DMRT2: variants seen among roughly 807,000 people sequenced by gnomAD.
DMRT2 encodes the protein doublesex- and mab-3-related transcription factor 2.
DMRT2 carries 33 observed loss-of-function variants against 43.5 expected under a neutral mutation model. The observed-to-expected ratio is 0.76, with a 90% CI of 0.58 to 1.01. The LOEUF is 1.01. DMRT2 is among the 50% of genes least tolerant of loss of function. DMRT2 has a pLI of 0.00. For missense variants in DMRT2, 1,064 were observed against 748.0 expected (o/e 1.42, Z -4.93); for synonymous variants, 395 against 309.2 (o/e 1.28, Z -2.91).
intron 3 of DMRT2, 71 bp from the exon 4 acceptor site, chr9:1,056,145 A>G: frequency 1.3e-5 from 20 of 1,530,142 alleles, no homozygotes; most frequent in Non-Finnish European, 1.7e-5. Flanking sequence ...TGTTGCTGTT[A>G]CCTTCTGGGT....
chr9:1,055,776 A>G (rs755600953), intron 3 of DMRT2: 6 of 1,510,082 alleles, frequency 4.0e-6, no homozygotes, highest in Non-Finnish European at 5.3e-6. Flanking sequence ...CATCTTTAGA[A>G]AATAAAAGTG....
rs555929952 is a variant in DMRT2, at chr9:1,051,718, C to T, written c.105C>T (p.Pro35=). Residue 35 remains proline, a synonymous_variant, in exon 2 of 4, where the codon CCC becomes CCT. Transcript: ENST00000358146. The surrounding 1 kb of genome is among the most constrained non-coding windows in gnomAD (Gnocchi z 5.9). The part of the protein sequence containing the change: ...DVCGAPRSTP[P]GPSPPPADGD... The stretch of plus-strand genomic sequence containing the variant: ...GCGGGGCGCCGCGGTCCACGCCCCC[C>T]GGGCCCAGCCCGCCGCCGGCGGACG... 3.2e-6 allele frequency: 5 copies of T among 1,540,544 alleles called. No individual in the cohort carries two copies. The highest frequency in any genetic ancestry group is 2.5e-5 in the East Asian group (1 of 39,708).
At position 1,056,977 on chromosome 9, in the gene DMRT2, C is replaced by T; in HGVS notation, c.1390C>T (p.Leu464=). The T allele has an allele frequency of 1.9e-6, 3 of 1,614,210 alleles. No homozygotes were observed. The highest frequency in any genetic ancestry group is 2.5e-6 in the Non-Finnish European group (3 of 1,180,036). The change falls in exon 4 of 4, where the codon CTG becomes TTG. Residue 464 remains leucine, a synonymous_variant. Transcript: ENST00000358146. ...KISKENTRHP[L]PLRHNPFHSL... ...CAGCAAAGAAAACACCAGGCACCCT[C>T]TGCCACTTAGACATAATCCATTCCA... is the stretch of plus-strand genomic sequence containing the variant.
At chr9:1,055,614 G>A (rs1330277871) in intron 3 of DMRT2, 2 of 1,145,618 alleles carry the variant, frequency 1.7e-6, no homozygotes, top group African/African-American at 1.6e-5. Context: ...TGTTTGACTA[G>A]TTAACAGCTC....
At position 1,057,423 on chromosome 9, in the gene DMRT2, T is replaced by C; in HGVS notation, c.*150T>C. On this transcript the variant is annotated 3_prime_UTR_variant, in exon 4 of 4. Coordinates refer to ENST00000358146, the MANE Select transcript of DMRT2 (RefSeq NM_181872.6). ...AAATTTTATATATTCCTAATATGCA[T>C]GTACTTTTTCTTATCACATATATTT... 1.2e-6 allele frequency: 1 copy of C among 825,500 alleles called. No homozygotes were observed. Among genetic ancestry groups the C allele is most frequent in the Non-Finnish European group, 1.8e-6 (1 of 552,006 alleles). The allele number at this position is 825,500 out of a possible 1,614,324, so 51.1% of individuals were successfully genotyped here.
At chr9:1,050,978 G>T (rs548031528) in intron 1 of DMRT2, among the ~76,000 whole-genome samples, 1 of 152,172 alleles carries the variant, frequency 6.6e-6, no homozygotes, top group Non-Finnish European at 1.5e-5. Context: ...GCCCTTATGG[G>T]ACGCTAATGA....
Position 1,056,365 on chromosome 9 carries a change from T to C in DMRT2, c.778T>C (p.Leu260=). Residue 260 remains leucine, a synonymous_variant, in exon 4 of 4, where the codon TTG becomes CTG. Coordinates refer to ENST00000358146, the MANE Select transcript of DMRT2 (RefSeq NM_181872.6). The part of the protein sequence containing the change: ...LEREYKEREM[L]ETSQAAALFL... ...GAGAGAATATAAAGAAAGGGAGATG[T>C]TGGAAACTTCTCAAGCTGCTGCTCT... 2 of 1,614,170 alleles carry C rather than the reference T, an allele frequency of 1.2e-6. No homozygotes were observed. Among genetic ancestry groups the C allele is most frequent in the Non-Finnish European group, 1.7e-6 (2 of 1,180,030 alleles).
Position 1,056,424 on chromosome 9 carries a change from C to T in DMRT2, c.837C>T (p.Asp279=). 6.2e-7 allele frequency: 1 copy of T among 1,614,210 alleles called. No individual in the cohort carries two copies. The highest frequency in any genetic ancestry group is 8.5e-7 in the Non-Finnish European group (1 of 1,180,036). ...CCAACCGCATGGTGCCTGGACCTGA[C>T]TACAATTCCTACAAAAGTGCCTACA... ...FLPNRMVPGP[D]YNSYKSAYSP... The change falls in exon 4 of 4, where the codon GAC becomes GAT. Residue 279 remains aspartate, a synonymous_variant. Transcript: ENST00000358146.
At chr9:1,053,691 G>T in intron 2 of DMRT2, 31 bp from the exon 3 acceptor site, 1 of 1,585,286 alleles carries the variant, frequency 6.3e-7, no homozygotes, top group Non-Finnish European at 8.6e-7. Flanking sequence ...TTCTTTCAGG[G>T]CATTATTGAT....
chr9:1,055,745 T>C (rs1417757190), intron 3 of DMRT2: 1 of 1,496,022 alleles, frequency 6.7e-7, no homozygotes, highest in Non-Finnish European at 9.0e-7. Flanking sequence ...ATTCTACAGC[T>C]ATTATGTGTA....
In DMRT2 at chr9:1,057,325, C is replaced by A. The variant is rs563421536; in HGVS notation, c.*52C>A. On this transcript the variant is annotated 3_prime_UTR_variant, in exon 4 of 4. Transcript: ENST00000358146. ...TTTCTGCAGTCTTAGAGCATTATAGCCATTTGCTACTTTTTTTAAAAGTTA... is the reference window on the plus strand; with the variant it reads ...TTTCTGCAGTCTTAGAGCATTATAGACATTTGCTACTTTTTTTAAAAGTTA... 286 of 1,494,538 alleles carry A rather than the reference C, an allele frequency of 1.9e-4. 3 individuals carry two copies. In the South Asian group the frequency reaches 2.1e-3, roughly 11 times the overall value. 92.6% of individuals were successfully genotyped at this position (1,494,538 alleles called of 1,614,324 possible).
At position 1,056,674 on chromosome 9, in the gene DMRT2, GCCA is replaced by G. The variant is rs1822013332; in HGVS notation, c.1093_1095del (p.Thr365del). ...CCTCTACCAGCAATGCCTGCTAAAT[GCCA>G]CCACCTCAGTTCAAGCCCTGAAGCC... On this transcript the variant is annotated inframe_deletion, in exon 4 of 4. Coordinates refer to ENST00000358146, the MANE Select transcript of DMRT2 (RefSeq NM_181872.6). 2 of 1,614,156 alleles carry G rather than the reference GCCA, an allele frequency of 1.2e-6. No homozygotes were observed. The highest frequency in any genetic ancestry group is 1.3e-5 in the African/African-American group (1 of 75,038).
chr9:1,056,634 C>T lies in DMRT2; in HGVS notation c.1047C>T (p.Pro349=), dbSNP rs1214897873. Residue 349 remains proline (P), a synonymous_variant, in exon 4 of 4, where the codon CCC becomes CCT. Transcript: ENST00000358146. ...SRFLVWPKCG[P]ISDTLLYQQC... ...TTTTAGTTTGGCCCAAGTGTGGCCC[C>T]ATTAGCGACACCCTCCTCTACCAGC... 1.9e-6 allele frequency: 3 copies of T among 1,614,076 alleles called. No individual in the cohort carries two copies. The highest frequency in any genetic ancestry group is 2.5e-6 in the Non-Finnish European group (3 of 1,180,042).
rs1821621982 is a variant in DMRT2, at chr9:1,051,938, G to A, written c.325G>A (p.Gly109Ser). The A allele has an allele frequency of 1.5e-6, 2 of 1,364,380 alleles. No individual in the cohort carries two copies. Among genetic ancestry groups the A allele is most frequent in the Non-Finnish European group, 1.9e-6 (2 of 1,067,758 alleles). 84.5% of individuals were successfully genotyped at this position (1,364,380 alleles called of 1,614,324 possible). ...TCCCCGAGAGCGCTGCACTCCCGCG[G>A]GCGGCGGCGCGGAGCCGCGCAAGCT... Reference protein sequence around the residue: ...TGPRERCTPAGGGAEPRKLSR... With the variant: ...TGPRERCTPASGGAEPRKLSR... Residue 109 changes from glycine to serine, a missense_variant, in exon 2 of 4, where the codon GGC becomes AGC. Gly to Ser is a moderately conservative substitution (Grantham distance 56). Transcript: ENST00000358146. This position sits in a 1 kb window ranked among gnomAD's most constrained non-coding sequence, Gnocchi z 5.9.
At chr9:1,053,646 C>A in intron 2 of DMRT2, 76 bp from the exon 3 acceptor site, 1 of 1,230,166 alleles carries the variant, frequency 8.1e-7, no homozygotes, top group Non-Finnish European at 1.2e-6. Flanking sequence ...AGAAGATTTA[C>A]GGACATCCCG....
Position 1,051,826 on chromosome 9 carries a change from C to T in DMRT2, c.213C>T (p.Ser71=), listed in dbSNP as rs1247461229. 5.5e-6 allele frequency: 8 copies of T among 1,449,020 alleles called. No individual in the cohort carries two copies. The highest frequency in any genetic ancestry group is 7.2e-6 in the Non-Finnish European group (8 of 1,107,996). The allele number at this position is 1,449,020 out of a possible 1,614,324, so 89.8% of individuals were successfully genotyped here. Reference sequence around the variant, plus strand: ...GCGACGGCGAGGAGGCAGGCGCGTCCCCCGGGATGCCCGGCCAGCCGGAGC... The same window carrying T: ...GCGACGGCGAGGAGGCAGGCGCGTCTCCCGGGATGCCCGGCCAGCCGGAGC... ...EEGDGEEAGA[S]PGMPGQPEQR... is the part of the protein sequence containing the mutation. The change falls in exon 2 of 4, where the codon TCC becomes TCT. Residue 71 remains serine (S), a synonymous_variant. Coordinates refer to ENST00000358146, the MANE Select transcript of DMRT2 (RefSeq NM_181872.6). This position sits in a 1 kb window ranked among gnomAD's most constrained non-coding sequence, Gnocchi z 5.9.
At chr9:1,055,669 CT>C (rs1281440471) in intron 3 of DMRT2, 4 of 1,412,324 alleles carry the variant, frequency 2.8e-6, no homozygotes, top group Non-Finnish European at 3.7e-6. Context: ...CCTTTTTTTT[CT>C]TTTTCTACTC....
Position 1,056,966 on chromosome 9 carries a change from C to G in DMRT2, c.1379C>G (p.Thr460Ser), listed in dbSNP as rs1231983365. The change falls in exon 4 of 4, where the codon ACC becomes AGC. Residue 460 changes from threonine (T) to serine (S), a missense_variant. Coordinates refer to ENST00000358146, the MANE Select transcript of DMRT2 (RefSeq NM_181872.6). ...HVLTKISKEN[T>S]RHPLPLRHNP... ...TTAACGAAGATCAGCAAAGAAAACA[C>G]CAGGCACCCTCTGCCACTTAGACAT... The G allele has an allele frequency of 1.2e-6, 2 of 1,614,072 alleles. No individual in the cohort carries two copies. The highest frequency in any genetic ancestry group is 2.2e-5 in the East Asian group (1 of 44,902).
intron 3 of DMRT2, 74 bp downstream of exon 3, chr9:1,053,898 T>G (rs757479773): frequency 3.8e-6 from 5 of 1,318,754 alleles, no homozygotes; most frequent in Non-Finnish European, 5.4e-6. Context: ...CAAAGTGTGT[T>G]TATTAATCTG....
Sources: gnomAD v4.1 joint callset for allele counts (sites outside exome capture counted in the v4.1 genomes callset) on GRCh38, gnomAD v4.1.1 for gene constraint, Gnocchi (gnomAD v3.1) non-coding constraint, MANE v1.5 for transcripts, NCBI Gene and HGNC (gene_info 2026-07-23, HGNC 2026-07-21) for gene names.